Variants in DLG1 observed in about 807,000 individuals in gnomAD.
The protein encoded by DLG1 is discs large MAGUK scaffold protein 1.
Under a neutral mutation model 123.4 loss-of-function variants are expected in DLG1, and 42 were observed. The observed-to-expected ratio is 0.34, with a 90% CI of 0.27 to 0.44. DLG1 has a LOEUF of 0.44. Among genes scored for constraint, DLG1 ranks in the 20% least tolerant of loss-of-function variants. The pLI, the probability that DLG1 is intolerant of heterozygous loss-of-function variation, is 1.00. For synonymous variants in DLG1, 317 were observed against 356.2 expected, an observed-to-expected ratio of 0.89 and a Z score of 1.24; for missense variants, 942 against 1,082.6, an observed-to-expected ratio of 0.87 and a Z score of 1.82.
At chr3:197,235,563 C>T (rs186609172) in intron 4 of DLG1, among the ~76,000 whole-genome samples, 1 of 152,290 alleles carries the variant, frequency 6.6e-6, no homozygotes, top group East Asian at 1.9e-4. Context: ...AGCATTAAGG[C>T]TAAGCTGGCC....
At chr3:197,183,922 G>C (rs1714163237) in intron 5 of DLG1, 3 of 1,442,654 alleles carry the variant, frequency 2.1e-6, no homozygotes, top group Non-Finnish European at 2.7e-6. Flanking sequence ...TTGTAGATCA[G>C]TGAAAATAAA....
intron 3 of DLG1, among the ~76,000 whole-genome samples, chr3:197,294,366 G>C (rs1235428067): frequency 6.7e-6 from 1 of 149,266 alleles, no homozygotes; most frequent in Admixed American, 6.8e-5. Flanking sequence ...CTAACTCTAG[G>C]CCAGACGCGG....
At chr3:197,091,763 A>T (rs545522067) in intron 14 of DLG1, among the ~76,000 whole-genome samples, 1 of 152,136 alleles carries the variant, frequency 6.6e-6, no homozygotes, top group Non-Finnish European at 1.5e-5. Flanking sequence ...TTATAAACAC[A>T]TATCTTTTTT....
At chr3:197,245,002 T>C in intron 4 of DLG1, among the ~76,000 whole-genome samples, 1 of 152,212 alleles carries the variant, frequency 6.6e-6, no homozygotes. Context: ...CACAAGGAGA[T>C]AAGCCAACTT....
At chr3:197,148,929 C>A (rs993218471) in intron 6 of DLG1, among the ~76,000 whole-genome samples, 2 of 152,192 alleles carry the variant, frequency 1.3e-5, no homozygotes, top group African/African-American at 2.4e-5. Context: ...CTGTCACCAG[C>A]AGAATGTACT....
Position 197,065,406 on chromosome 3 carries a change from T to A in DLG1, c.2243A>T (p.Asp748Val), listed in dbSNP as rs749406565. The A allele has an allele frequency of 1.2e-6, 2 of 1,612,714 alleles. No homozygotes were observed. The highest frequency in any genetic ancestry group is 3.3e-5 in the Admixed American group (2 of 59,804). The change falls in exon 22 of 25, where the codon GAT (aspartate) becomes GTT (valine). Residue 748 changes from aspartate to valine, a missense_variant. Transcript: ENST00000667157. Reference sequence around the variant, plus strand: ...CTCTCTTGAAGTCACAAAATGATAATCTCTTCCATCTACCTCATAATCTCG... The same window carrying A: ...CTCTCTTGAAGTCACAAAATGATAAACTCTTCCATCTACCTCATAATCTCG... ...PKRDYEVDGR[D>V]YHFVTSREQM... is the part of the protein sequence containing the mutation.
chr3:197,175,391 T>C (rs1806465511), intron 5 of DLG1, among the ~76,000 whole-genome samples: 1 of 152,222 alleles, frequency 6.6e-6, no homozygotes. Context: ...ATTTTCATGA[T>C]AAAAATTTAA....
At chr3:197,285,611 G>C (rs1241734877) in intron 3 of DLG1, among the ~76,000 whole-genome samples, 5 of 152,048 alleles carry the variant, frequency 3.3e-5, no homozygotes, top group Non-Finnish European at 7.4e-5. Context: ...GATACAGACA[G>C]ACACTTCACC....
intron 4 of DLG1, among the ~76,000 whole-genome samples, chr3:197,269,652 G>A (rs1478005570): frequency 6.6e-6 from 1 of 152,138 alleles, no homozygotes; most frequent in African/African-American, 2.4e-5. Context: ...CTGAATGACA[G>A]TTTGATCAAT....
At chr3:197,169,975 T>C (rs1204905867) in intron 5 of DLG1, among the ~76,000 whole-genome samples, 1 of 152,216 alleles carries the variant, frequency 6.6e-6, no homozygotes, top group Non-Finnish European at 1.5e-5. Context: ...CCTGTTCTCA[T>C]CACTTAGCTC....
chr3:197,113,160 G>C (rs1358063924), intron 13 of DLG1, among the ~76,000 whole-genome samples: 6 of 152,066 alleles, frequency 3.9e-5, no homozygotes, highest in African/African-American at 1.4e-4. Context: ...CTTCTCTATT[G>C]AACTGACTTG....
At chr3:197,074,181 A>G (rs1745818934) in intron 18 of DLG1, among the ~76,000 whole-genome samples, 1 of 152,098 alleles carries the variant, frequency 6.6e-6, no homozygotes, top group African/African-American at 2.4e-5. Context: ...CTTCTCCAAC[A>G]TTTTGTGAAT....
intron 5 of DLG1, among the ~76,000 whole-genome samples, chr3:197,173,471 G>A (rs186687305): frequency 1.1e-4 from 17 of 152,262 alleles, no homozygotes; most frequent in Admixed American, 8.5e-4. Flanking sequence ...TGGCACAGGC[G>A]ATATGGCAGA....
At position 197,208,469 on chromosome 3, in the gene DLG1, G is replaced by C. The variant is rs1016730579; in HGVS notation, c.319-13880C>G. Among the ~76,000 whole-genome samples the C allele has an allele frequency of 2.0e-4, 29 of 146,754 alleles. 1 individual carries two copies. The highest frequency in any genetic ancestry group is 7.0e-4 in the African/African-American group (29 of 41,150). ...AGTGTGTAGGCAGTTATTTATTGTA[G>C]TATTGTTTGTAAAACAAATAATTAA... On this transcript the variant is annotated intron_variant, in intron 4 of 24. Coordinates refer to ENST00000667157, the MANE Select transcript of DLG1 (RefSeq NM_001366207.1).
At chr3:197,162,225 G>GCCTGTAATTAACT (rs1553971424) in intron 5 of DLG1, among the ~76,000 whole-genome samples, 1 of 151,816 alleles carries the variant, frequency 6.6e-6, no homozygotes, top group Non-Finnish European at 1.5e-5. Context: ...GCCTCAACAT[G>GCCTGTAATTAACT]CCTGTAATTA....
At chr3:197,286,266 G>A (rs986248358) in intron 3 of DLG1, among the ~76,000 whole-genome samples, 1 of 152,110 alleles carries the variant, frequency 6.6e-6, no homozygotes, top group Non-Finnish European at 1.5e-5. Flanking sequence ...AGGATTTTTA[G>A]GGTGGTGAAA....
chr3:197,273,812 A>G (rs2151069461), intron 4 of DLG1, among the ~76,000 whole-genome samples: 1 of 147,764 alleles, frequency 6.8e-6, no homozygotes, highest in Non-Finnish European at 1.5e-5. Context: ...CAATCCAAAA[A>G]AGAAATCAGG....
chr3:197,085,890 G>A, intron 15 of DLG1, 134 bp from the exon 16 acceptor site: 1 of 696,470 alleles, frequency 1.4e-6, no homozygotes, highest in Non-Finnish European at 2.3e-6. Context: ...GTTCAATTCT[G>A]CACTGCATAC....
chr3:197,254,423 T>C (rs1246216530), intron 4 of DLG1, among the ~76,000 whole-genome samples: 6 of 152,238 alleles, frequency 3.9e-5, no homozygotes, highest in Admixed American at 1.3e-4. Flanking sequence ...ACTCCTATTT[T>C]ATCAGCCTCA....
Sources: gnomAD v4.1 joint callset for allele counts (sites outside exome capture counted in the v4.1 genomes callset) on GRCh38, gnomAD v4.1.1 for gene constraint, MANE v1.5 for transcripts, NCBI Gene and HGNC (gene_info 2026-07-23, HGNC 2026-07-21) for gene names.